The following PLEKHO2 variants were observed in gnomAD, a reference collection of about 807,000 sequenced individuals.
The protein encoded by PLEKHO2 is pleckstrin homology domain-containing family O member 2.
Under a neutral mutation model 32.7 loss-of-function variants are expected in PLEKHO2, and 20 were observed. That is an observed-to-expected ratio of 0.61 (90% CI 0.43 to 0.89). PLEKHO2 has a LOEUF of 0.89. Ranked by LOEUF, PLEKHO2 falls within the 40% of genes least tolerant of loss-of-function variation. The pLI is 0.00. For missense variants in PLEKHO2, 568 were observed against 621.2 expected (o/e 0.91, Z 0.91); for synonymous variants, 247 against 246.3 (o/e 1.00, Z -0.03).
intron 4 of PLEKHO2, 82 bp from the exon 5 acceptor site, chr15:64,861,395 G>A (rs1316817616): frequency 1.9e-6 from 2 of 1,059,524 alleles, no homozygotes; most frequent in African/African-American, 3.2e-5. Flanking sequence ...CACTGACCCT[G>A]GCTCTGAGCC....
intron 2 of PLEKHO2, among the ~76,000 whole-genome samples, chr15:64,850,798 C>T (rs1272766416): frequency 6.6e-6 from 1 of 152,160 alleles, no homozygotes; most frequent in Non-Finnish European, 1.5e-5. Context: ...TAGGTGAAGA[C>T]TTGAGGAAGA....
rs1241276262 is a variant in PLEKHO2 at position 64,860,796 on chromosome 15, A to T, written c.385-681A>T. Among the ~76,000 whole-genome samples the T allele has an allele frequency of 2.0e-5, 3 of 152,136 alleles. 1 individual carries two copies. Among genetic ancestry groups the T allele is most frequent in the African/African-American group, 7.2e-5 (3 of 41,428 alleles). Reference sequence around the variant, plus strand: ...GGAGAGGGATGATGGGACATATCATAGATATTGGGGGAGGCCATAGGAGCC... The same window carrying T: ...GGAGAGGGATGATGGGACATATCATTGATATTGGGGGAGGCCATAGGAGCC... On this transcript the variant is annotated intron_variant, in intron 4 of 5. Coordinates refer to ENST00000323544, the MANE Select transcript of PLEKHO2 (RefSeq NM_025201.5).
intron 1 of PLEKHO2, among the ~76,000 whole-genome samples, chr15:64,845,384 C>G (rs1378809100): frequency 1.3e-5 from 2 of 151,786 alleles, no homozygotes; most frequent in African/African-American, 4.8e-5. Context: ...GAGAGGAGGC[C>G]GAGAAACTGG....
chr15:64,864,327 C>T (rs1322536302), intron 5 of PLEKHO2, among the ~76,000 whole-genome samples: 1 of 152,096 alleles, frequency 6.6e-6, no homozygotes, highest in Non-Finnish European at 1.5e-5. Flanking sequence ...GGCTGCCAAG[C>T]AGCTGGACAG....
At chr15:64,861,033 C>T (rs752611751) in intron 4 of PLEKHO2, among the ~76,000 whole-genome samples, 1 of 152,274 alleles carries the variant, frequency 6.6e-6, no homozygotes, top group African/African-American at 2.4e-5. Context: ...GACCTCCAGG[C>T]TCCCAGACTC....
chr15:64,865,188 C>T lies in PLEKHO2; in HGVS notation c.773C>T (p.Ser258Phe). ...SETPAEEDSGSEQPPNSVLPD... is the reference protein window; with the variant it reads ...SETPAEEDSGFEQPPNSVLPD... ...ACCCCAGCAGAGGAGGACAGTGGCT[C>T]TGAGCAGCCTCCCAACAGCGTCCTG... Residue 258 changes from serine (S) to phenylalanine (F), a missense_variant, in exon 6 of 6, where the codon TCT becomes TTT. By Grantham distance (155) the Ser-to-Phe change is radical. Coordinates refer to ENST00000323544, the MANE Select transcript of PLEKHO2 (RefSeq NM_025201.5). 1 of 1,614,178 alleles carries T rather than the reference C, an allele frequency of 6.2e-7. No individual in the cohort carries two copies.
intron 3 of PLEKHO2, among the ~76,000 whole-genome samples, chr15:64,859,312 G>A (rs919169015): frequency 6.6e-6 from 1 of 152,244 alleles, no homozygotes; most frequent in Non-Finnish European, 1.5e-5. Flanking sequence ...CTCTTTTACA[G>A]TTGAAGAAAC....
chr15:64,855,504 C>T (rs1424965712), intron 3 of PLEKHO2, among the ~76,000 whole-genome samples: 1 of 152,186 alleles, frequency 6.6e-6, no homozygotes, highest in East Asian at 1.9e-4. Context: ...GTGGGCCCAC[C>T]CTGGACTAAG....
intron 3 of PLEKHO2, 120 bp from the exon 4 acceptor site, chr15:64,859,774 A>G (rs1051359358): frequency 8.8e-6 from 7 of 793,226 alleles, no homozygotes; most frequent in East Asian, 2.4e-5. Flanking sequence ...CCCCAGTGTC[A>G]TACTTAACTG....
chr15:64,859,928 A>T lies in PLEKHO2; in HGVS notation c.314A>T (p.Glu105Val). Reference sequence around the variant, plus strand: ...ATCAAATTCCAGGCACCCACCGGGGAGGAGAAGGAATCCTGGATCAAAGCC... The same window carrying T: ...ATCAAATTCCAGGCACCCACCGGGGTGGAGAAGGAATCCTGGATCAAAGCC... ...SDIKFQAPTG[E>V]EKESWIKALN... Residue 105 changes from glutamate (E) to valine (V), a missense_variant, in exon 4 of 6, where the codon GAG becomes GTG. Coordinates refer to ENST00000323544, the MANE Select transcript of PLEKHO2 (RefSeq NM_025201.5). 6.2e-7 allele frequency: 1 copy of T among 1,614,146 alleles called. No homozygotes were observed. Among genetic ancestry groups the T allele is most frequent in the Non-Finnish European group, 8.5e-7 (1 of 1,180,010 alleles).
intron 2 of PLEKHO2, among the ~76,000 whole-genome samples, chr15:64,853,303 G>C (rs2084583164): frequency 7.0e-6 from 1 of 143,590 alleles, no homozygotes; most frequent in Admixed American, 6.9e-5. Context: ...TTGAGACAGA[G>C]TCTCGCTCTG....
At position 64,866,220 on chromosome 15, in the gene PLEKHO2, T is replaced by A. The variant is rs1595834275; in HGVS notation, c.*332T>A. Reference sequence around the variant, plus strand: ...CTTTGGGGGCGGCACTTGGGGTTTCTGGGAATGACATCATCTCTGTTCCCC... The same window carrying A: ...CTTTGGGGGCGGCACTTGGGGTTTCAGGGAATGACATCATCTCTGTTCCCC... On this transcript the variant is annotated 3_prime_UTR_variant, in exon 6 of 6. Coordinates refer to ENST00000323544, the MANE Select transcript of PLEKHO2 (RefSeq NM_025201.5). The A allele has an allele frequency of 6.4e-6, 3 of 467,618 alleles. No homozygotes were observed. The East Asian group carries it at 1.4e-4, about 22-fold the overall frequency. The allele number at this position is 467,618 out of a possible 1,614,324, so 29.0% of individuals were successfully genotyped here. A position where few individuals can be genotyped will look rare whatever the true frequency, so the allele number is the denominator to read the frequency against.
intron 4 of PLEKHO2, among the ~76,000 whole-genome samples, chr15:64,861,261 A>G (rs995606352): frequency 1.3e-5 from 2 of 152,236 alleles, no homozygotes; most frequent in African/African-American, 4.8e-5. Context: ...GGGCAGGAAG[A>G]CTGAGGCAAA....
chr15:64,852,219 C>T (rs1217484973), intron 2 of PLEKHO2, among the ~76,000 whole-genome samples: 1 of 152,030 alleles, frequency 6.6e-6, no homozygotes, highest in Non-Finnish European at 1.5e-5. Context: ...ATGGAGAGCA[C>T]TCAAGTTCAG....
At position 64,865,847 on chromosome 15, in the gene PLEKHO2, C is replaced by A. The variant is rs752477581; in HGVS notation, c.1432C>A (p.Arg478=). 2 of 1,611,166 alleles carry A rather than the reference C, an allele frequency of 1.2e-6. No homozygotes were observed. The highest frequency in any genetic ancestry group is 3.3e-5 in the Admixed American group (2 of 60,018). ...GGAAGCACCTGGGCTAAGGGAGAAG[C>A]GGAAGGAGCTGGTGACCCTCTACAG... ...SQEAPGLREK[R]KELVTLYRRS... Residue 478 remains arginine, a synonymous_variant, in exon 6 of 6, where the codon CGG becomes AGG. Transcript: ENST00000323544.
rs1567097675 is a variant in PLEKHO2, at chr15:64,860,011, C to T, written c.384+13C>T. On this transcript the variant is annotated intron_variant, in intron 4 of 5. Coordinates refer to ENST00000323544, the MANE Select transcript of PLEKHO2 (RefSeq NM_025201.5). ...GGCTTTCGATGAGGTGCGATGCAGT[C>T]TGTGGACATGGACAGCTCTGTGTCT... is the stretch of plus-strand genomic sequence containing the variant. 1 of 1,608,950 alleles carries T rather than the reference C, an allele frequency of 6.2e-7. No individual in the cohort carries two copies. Among genetic ancestry groups the T allele is most frequent in the South Asian group, 1.1e-5 (1 of 90,938 alleles).
At chr15:64,842,426 G>A (rs1396845667) in intron 1 of PLEKHO2, among the ~76,000 whole-genome samples, 1 of 148,972 alleles carries the variant, frequency 6.7e-6, no homozygotes, top group African/African-American at 2.5e-5. Context: ...GTGTGTGTCG[G>A]ATCCTGACTG....
At chr15:64,858,096 G>C (rs2084617345) in intron 3 of PLEKHO2, among the ~76,000 whole-genome samples, 1 of 152,246 alleles carries the variant, frequency 6.6e-6, no homozygotes, top group Non-Finnish European at 1.5e-5. Flanking sequence ...AGCGACCCCA[G>C]ATGCAGTGTG....
In PLEKHO2 at chr15:64,851,216, G is replaced by A. The variant is rs999314492; in HGVS notation, c.162+2474G>A. On this transcript the variant is annotated intron_variant, in intron 2 of 5. Transcript: ENST00000323544. ...CTCTACTGCTGCTCCCACCAAAATA[G>A]GATGTGCCACAGTTGAGAATGAGGC... is the stretch of plus-strand genomic sequence containing the variant. 1.3e-4 allele frequency among the ~76,000 whole-genome samples: 20 copies of A among 152,210 alleles called. 1 individual carries two copies. Among genetic ancestry groups the A allele is most frequent in the African/African-American group, 4.1e-4 (17 of 41,446 alleles).
Sources: allele counts gnomAD v4.1 joint callset (sites outside exome capture counted in the v4.1 genomes callset), GRCh38; gene constraint gnomAD v4.1.1; transcripts MANE v1.5; gene names NCBI Gene and HGNC (gene_info 2026-07-23, HGNC 2026-07-21).